P2RX5: variants seen among roughly 807,000 people sequenced by gnomAD.
The protein encoded by P2RX5 is P2X purinoceptor 5.
P2RX5 carries 46 observed loss-of-function variants against 54.1 expected under a neutral mutation model. The ratio of observed to expected loss-of-function variants is 0.85; its 90% CI spans 0.67 to 1.09. The LOEUF (loss-of-function observed/expected upper bound fraction) is 1.09. Among genes scored for constraint, P2RX5 ranks in the 50% least tolerant of loss-of-function variants. The pLI is 0.00. For synonymous variants in P2RX5, 226 were observed against 226.4 expected, an observed-to-expected ratio of 1.00 and a Z score of 0.02; for missense variants, 566 against 549.8, an observed-to-expected ratio of 1.03 and a Z score of -0.29.
At chr17:3,702,127 T>C in the P2RX5 span, among the ~76,000 whole-genome samples, 4 of 152,088 alleles carry the variant, frequency 2.6e-5, no homozygotes, top group African/African-American at 9.7e-5. Context: ...GGATTGTAAA[T>C]GCACCAATCA....
At chr17:3,706,908 C>G in the P2RX5 span, among the ~76,000 whole-genome samples, 1 of 152,240 alleles carries the variant, frequency 6.6e-6, no homozygotes, top group South Asian at 2.1e-4. Context: ...CTGCGCCCAC[C>G]TATAATCTTG....
At chr17:3,680,549 C>T (rs1322718104) in intron 10 of P2RX5, among the ~76,000 whole-genome samples, 7 of 140,606 alleles carry the variant, frequency 5.0e-5, no homozygotes, top group East Asian at 4.5e-4. Flanking sequence ...GTCCTCCACC[C>T]GGCGTCCTCC....
intron 10 of P2RX5, 123 bp from the exon 11 acceptor site, chr17:3,679,907 G>C: frequency 1.2e-6 from 1 of 828,540 alleles, no homozygotes; most frequent in Non-Finnish European, 2.0e-6. Flanking sequence ...CCTCCAGCCG[G>C]TGTCCTCCAC....
chr17:3,723,769 C>A, the P2RX5 span: 2 of 1,604,176 alleles, frequency 1.2e-6, no homozygotes, highest in South Asian at 1.1e-5. Context: ...ATGACCGCGA[C>A]GCGCTGAACA....
chr17:3,712,506 T>C, the P2RX5 span, among the ~76,000 whole-genome samples: 2 of 152,126 alleles, frequency 1.3e-5, no homozygotes, highest in African/African-American at 4.8e-5. Flanking sequence ...AGGTACACGG[T>C]TTACTTCTCA....
the P2RX5 span, among the ~76,000 whole-genome samples, chr17:3,711,518 G>A: frequency 6.6e-6 from 1 of 150,430 alleles, no homozygotes; most frequent in Non-Finnish European, 1.5e-5. Flanking sequence ...GAGTAGCTGG[G>A]ATTACAGGCA....
intron 11 of P2RX5, chr17:3,675,558 CTT>C (rs879893835): frequency 2.4e-4 from 192 of 793,006 alleles, no homozygotes; most frequent in Middle Eastern, 6.7e-4. Context: ...TCTTCACTTT[CTT>C]TTTTTTTTTT....
At chr17:3,690,779 C>CCA in intron 3 of P2RX5, 99 bp from the exon 4 acceptor site, 1 of 1,314,772 alleles carries the variant, frequency 7.6e-7, no homozygotes, top group South Asian at 1.2e-5. Context: ...TCGGCCTGGC[C>CCA]CACACACACT....
chr17:3,709,571 C>T, the P2RX5 span, among the ~76,000 whole-genome samples: 5 of 152,248 alleles, frequency 3.3e-5, no homozygotes, highest in African/African-American at 7.2e-5. Flanking sequence ...AGTTCAAGTC[C>T]AGCCTGGGTA....
rs892685480 is a variant in P2RX5 at position 3,678,048 on chromosome 17, C to T, written c.1259+1542G>A. The T allele has an allele frequency of 2.9e-5, 29 of 985,446 alleles. No homozygotes were observed. The African/African-American group carries it at 4.0e-4, about 14-fold the overall frequency. 61.0% of individuals were successfully genotyped at this position (985,446 alleles called of 1,614,324 possible). On this transcript the variant is annotated intron_variant, in intron 11 of 11. Coordinates refer to ENST00000225328, the MANE Select transcript of P2RX5 (RefSeq NM_002561.4). ...GTTGTTCTGGCCCCAAAGTTTTCAG[C>T]GACACTGCTGGTAGCCAGCAGCCCT... is the stretch of plus-strand genomic sequence containing the variant.
At chr17:3,696,450 A>G (rs1342333533), upstream of P2RX5, 1 of 152,392 alleles carries the variant, frequency 6.6e-6, no homozygotes, top group African/African-American at 2.4e-5. Context: ...TTTTATTTTA[A>G]ATTTATTTAT....
At chr17:3,709,588 T>C in the P2RX5 span, among the ~76,000 whole-genome samples, 10 of 152,114 alleles carry the variant, frequency 6.6e-5, no homozygotes, top group Non-Finnish European at 1.5e-5. Context: ...GGTAACAAGG[T>C]GAGACCCCAG....
chr17:3,713,415 C>CTATAA, the P2RX5 span, among the ~76,000 whole-genome samples: 1 of 152,118 alleles, frequency 6.6e-6, no homozygotes, highest in African/African-American at 2.4e-5. Flanking sequence ...ATTAAGACCC[C>CTATAA]TTTGAAGAAA....
At chr17:3,690,900 C>CA (rs1249707805) in intron 3 of P2RX5, 56 bp downstream of exon 3, 1 of 1,483,302 alleles carries the variant, frequency 6.7e-7, no homozygotes, top group Non-Finnish European at 9.3e-7. Flanking sequence ...GAGTAGACCC[C>CA]AACCACTGCC....
chr17:3,714,937 G>A, the P2RX5 span: 2 of 1,593,826 alleles, frequency 1.3e-6, no homozygotes, highest in Non-Finnish European at 1.7e-6. Context: ...TTTTAAAAAA[G>A]CCACACTGAA....
the P2RX5 span, chr17:3,723,348 G>T: frequency 1.2e-6 from 2 of 1,613,862 alleles, no homozygotes; most frequent in Non-Finnish European, 1.7e-6. Flanking sequence ...TATCTGAAGC[G>T]ATGACACAGC....
chr17:3,719,107 G>C, the P2RX5 span, among the ~76,000 whole-genome samples: 2 of 140,610 alleles, frequency 1.4e-5, no homozygotes, highest in East Asian at 1.9e-4. Context: ...ATGGTGGTGG[G>C]CACCTGTAAT....
chr17:3,694,463 C>T (rs1448560262), intron 1 of P2RX5, among the ~76,000 whole-genome samples: 2 of 152,296 alleles, frequency 1.3e-5, no homozygotes. Context: ...ACCTCGGCTT[C>T]CCAAAGGGCT....
At chr17:3,710,297 T>C in the P2RX5 span, among the ~76,000 whole-genome samples, 1 of 151,696 alleles carries the variant, frequency 6.6e-6, no homozygotes, top group African/African-American at 2.4e-5. Flanking sequence ...TGTGGTGGCA[T>C]GCACCTGCAG....
Sources: allele counts gnomAD v4.1 joint callset (sites outside exome capture counted in the v4.1 genomes callset), GRCh38; gene constraint gnomAD v4.1.1; transcripts MANE v1.5; gene names NCBI Gene and HGNC (gene_info 2026-07-23, HGNC 2026-07-21).